SCARB2: variants seen among roughly 807,000 people sequenced by gnomAD.
SCARB2 encodes scavenger receptor class B member 2.
SCARB2 carries 29 observed loss-of-function variants against 58.6 expected under a neutral mutation model. The observed-to-expected ratio is 0.49, with a 90% confidence interval of 0.37 to 0.67. The LOEUF (loss-of-function observed/expected upper bound fraction) is 0.67, where lower values mean the gene tolerates loss of function less well. Among genes scored for constraint, SCARB2 ranks in the 30% least tolerant of loss-of-function variants. The pLI is 0.00. For missense variants in SCARB2, 488 were observed against 578.5 expected (o/e 0.84, Z 1.60); for synonymous variants, 195 against 210.1 (o/e 0.93, Z 0.62).
At chr4:76,177,824 C>CA (rs1392904082) in intron 4 of SCARB2, among the ~76,000 whole-genome samples, 1 of 152,140 alleles carries the variant, frequency 6.6e-6, no homozygotes, top group Non-Finnish European at 1.5e-5. Context: ...CCAGAATATG[C>CA]AAATTCACAG....
At chr4:76,221,991 G>A (rs1468981715) in intron 1 of SCARB2, among the ~76,000 whole-genome samples, 1 of 152,178 alleles carries the variant, frequency 6.6e-6, no homozygotes, top group Non-Finnish European at 1.5e-5. Context: ...TTAACAATAG[G>A]TGACTACCAT....
At chr4:76,187,191 G>A (rs1732504018) in intron 2 of SCARB2, among the ~76,000 whole-genome samples, 1 of 152,184 alleles carries the variant, frequency 6.6e-6, no homozygotes, top group South Asian at 2.1e-4. Flanking sequence ...TCAAACCATT[G>A]AAGGGAGTAA....
intron 1 of SCARB2, among the ~76,000 whole-genome samples, chr4:76,204,930 C>T (rs952643752): frequency 5.9e-5 from 9 of 152,096 alleles, no homozygotes; most frequent in Non-Finnish European, 5.9e-5. Context: ...GAATTGTGGG[C>T]GCTGGGAGGA....
At chr4:76,195,405 C>A in intron 2 of SCARB2, 1 of 272,836 alleles carries the variant, frequency 3.7e-6, no homozygotes, top group Non-Finnish European at 6.9e-6. Flanking sequence ...TATCAAGGGG[C>A]AACCTTAAAA....
At chr4:76,217,543 G>A, upstream of SCARB2, 1 of 449,848 alleles carries the variant, frequency 2.2e-6, no homozygotes, top group East Asian at 3.3e-5. Context: ...CTGCCCATGT[G>A]CCTCACACAG....
intron 2 of SCARB2, among the ~76,000 whole-genome samples, chr4:76,187,564 A>C (rs1168458392): frequency 1.3e-5 from 2 of 152,232 alleles, no homozygotes; most frequent in African/African-American, 4.8e-5. Context: ...CCAAAATATA[A>C]CATTGAAAAA....
intron 5 of SCARB2, 61 bp downstream of exon 5, chr4:76,176,376 T>C (rs1474591542): frequency 2.7e-5 from 31 of 1,143,066 alleles, no homozygotes; most frequent in Non-Finnish European, 3.8e-5. Flanking sequence ...AATGTAGAAG[T>C]AGACATGTAG....
At chr4:76,170,073 T>G (rs984008201) in intron 7 of SCARB2, 88 bp from the exon 8 acceptor site, 14 of 1,202,786 alleles carry the variant, frequency 1.2e-5, no homozygotes, top group Non-Finnish European at 1.6e-5. Flanking sequence ...ACAGCCTGGT[T>G]CCTAAAGAAA....
rs1218062698 is a variant in SCARB2, at chr4:76,160,083, TGA to T, written c.*1628_*1629del. The T allele has an allele frequency of 1.3e-5, 2 of 152,176 alleles. No individual in the cohort carries two copies. Among genetic ancestry groups the T allele is most frequent in the Non-Finnish European group, 2.9e-5 (2 of 68,030 alleles). 9.4% of individuals were successfully genotyped at this position (152,176 alleles called of 1,614,324 possible). A position where few individuals can be genotyped will look rare whatever the true frequency, so the allele number is the denominator to read the frequency against. On this transcript the variant is annotated 3_prime_UTR_variant, in exon 12 of 12. Transcript: ENST00000264896. ...TTCTATCTTGATTCTATAGAAAATT[TGA>T]GAGTTTAATGAATTGCCTCTTCAAG... is the stretch of plus-strand genomic sequence containing the variant.
intron 2 of SCARB2, among the ~76,000 whole-genome samples, chr4:76,183,183 T>G (rs982214014): frequency 6.6e-6 from 1 of 152,204 alleles, no homozygotes; most frequent in African/African-American, 2.4e-5. Flanking sequence ...CACAGAAGAC[T>G]TCTAAGACTT....
intron 2 of SCARB2, chr4:76,184,785 CAAA>C (rs35947779): frequency 8.5e-4 from 274 of 323,408 alleles, no homozygotes; most frequent in African/African-American, 4.1e-3. Flanking sequence ...TTGTCTCTAC[CAAA>C]AAAAAAAAAA....
intron 2 of SCARB2, among the ~76,000 whole-genome samples, chr4:76,185,561 A>G (rs539454264): frequency 1.9e-4 from 29 of 152,320 alleles, no homozygotes; most frequent in African/African-American, 7.0e-4. Flanking sequence ...AGGCAGGAAA[A>G]TTCATGGTTG....
At chr4:76,216,870 A>C (rs1352074965), upstream of SCARB2, among the ~76,000 whole-genome samples, 1 of 152,264 alleles carries the variant, frequency 6.6e-6, no homozygotes, top group Non-Finnish European at 1.5e-5. Flanking sequence ...CTTTTAAGAA[A>C]ATAATGTATG....
At chr4:76,208,687 G>A (rs894251) in intron 1 of SCARB2, among the ~76,000 whole-genome samples, 25,384 of 152,112 alleles carry the variant, frequency 0.17, 2,364 homozygotes, top group East Asian at 0.41. Flanking sequence ...TTACTGTGCC[G>A]TGGTTCTTGC....
intron 11 of SCARB2, chr4:76,162,073 G>T: frequency 2.4e-6 from 1 of 415,424 alleles, no homozygotes; most frequent in Non-Finnish European, 4.5e-6. Flanking sequence ...TAGTGTCTCA[G>T]AGGTATTAGT....
intron 1 of SCARB2, among the ~76,000 whole-genome samples, chr4:76,220,029 A>G (rs1442575416): frequency 1.3e-5 from 2 of 152,240 alleles, no homozygotes; most frequent in South Asian, 2.1e-4. Flanking sequence ...CTTCAATTGC[A>G]CTGCAAGCTA....
At chr4:76,173,165 G>A (rs910239116) in intron 7 of SCARB2, 12 of 152,176 alleles carry the variant, frequency 7.9e-5, no homozygotes, top group African/African-American at 2.9e-4. Context: ...TTGTGCCACT[G>A]ATAATTCTGC....
chr4:76,217,482 C>A, upstream of SCARB2: 1 of 407,524 alleles, frequency 2.5e-6, no homozygotes, highest in East Asian at 3.5e-5. Flanking sequence ...TGTCAGAGAG[C>A]GGGTTGTTGA....
intron 9 of SCARB2, among the ~76,000 whole-genome samples, chr4:76,167,932 G>A (rs1202477691): frequency 6.6e-5 from 10 of 151,988 alleles, no homozygotes; most frequent in African/African-American, 2.4e-4. Flanking sequence ...CACCCACCTT[G>A]GCCTCCCAAA....
Sources: gnomAD v4.1 joint callset for allele counts (sites outside exome capture counted in the v4.1 genomes callset) on GRCh38, gnomAD v4.1.1 for gene constraint, MANE v1.5 for transcripts, NCBI Gene and HGNC (gene_info 2026-07-23, HGNC 2026-07-21) for gene names.